Variants in ADAMTS12 observed in about 807,000 individuals in gnomAD.
ADAMTS12 encodes A disintegrin and metalloproteinase with thrombospondin motifs 12.
In ADAMTS12, 118 loss-of-function variants were observed where a neutral mutation model predicts 167.8. That is an observed-to-expected ratio of 0.70 (90% confidence interval 0.61 to 0.82). The LOEUF (loss-of-function observed/expected upper bound fraction) is 0.82, where lower values mean the gene tolerates loss of function less well. ADAMTS12 is among the 40% of genes least tolerant of loss of function. The probability of loss-of-function intolerance (pLI) is 0.00; values close to 1 mark genes in which losing one functional copy is unlikely to be tolerated. For synonymous variants in ADAMTS12, 704 were observed against 716.9 expected, an observed-to-expected ratio of 0.98 and a Z score of 0.29; for missense variants, 1,916 against 1,998.8, an observed-to-expected ratio of 0.96 and a Z score of 0.79.
At chr5:33,849,629 AATATATATGTATTGCATAG>A (rs1749136234) in intron 2 of ADAMTS12, among the ~76,000 whole-genome samples, 1 of 108,206 alleles carries the variant, frequency 9.2e-6, no homozygotes, top group African/African-American at 3.2e-5. Context: ...ATTGCATAGC[AATATATATGTATTGCATAG>A]CAATATATAG....
intron 17 of ADAMTS12, among the ~76,000 whole-genome samples, chr5:33,590,582 G>T (rs1361539322): frequency 6.6e-6 from 1 of 152,164 alleles, no homozygotes; most frequent in East Asian, 1.9e-4. Flanking sequence ...CAGATCAAAT[G>T]AACCTCCAAT....
intron 3 of ADAMTS12, among the ~76,000 whole-genome samples, chr5:33,741,629 C>A (rs1175650635): frequency 6.6e-6 from 1 of 152,026 alleles, no homozygotes; most frequent in Non-Finnish European, 1.5e-5. Context: ...TCTAAGAATC[C>A]AAACCCACTT....
chr5:33,629,317 G>A (rs992689553), intron 13 of ADAMTS12, among the ~76,000 whole-genome samples: 1 of 152,054 alleles, frequency 6.6e-6, no homozygotes, highest in Non-Finnish European at 1.5e-5. Context: ...AATATTTAGG[G>A]GCAAGAGCTT....
At chr5:33,774,475 G>T (rs1382432027) in intron 2 of ADAMTS12, among the ~76,000 whole-genome samples, 1 of 152,104 alleles carries the variant, frequency 6.6e-6, no homozygotes, top group Non-Finnish European at 1.5e-5. Flanking sequence ...ATGAAAGCAT[G>T]CCCTTTTGGC....
At chr5:33,688,887 G>A (rs1422763079) in intron 3 of ADAMTS12, among the ~76,000 whole-genome samples, 1 of 152,120 alleles carries the variant, frequency 6.6e-6, no homozygotes, top group Non-Finnish European at 1.5e-5. Flanking sequence ...AGCCCACGCA[G>A]GTTGACCACT....
At chr5:33,879,114 G>T (rs1449342787) in intron 2 of ADAMTS12, among the ~76,000 whole-genome samples, 1 of 152,088 alleles carries the variant, frequency 6.6e-6, no homozygotes, top group Non-Finnish European at 1.5e-5. Context: ...GCACAACTCT[G>T]AACACATTTA....
At chr5:33,821,221 T>C (rs945934373) in intron 2 of ADAMTS12, among the ~76,000 whole-genome samples, 1 of 152,212 alleles carries the variant, frequency 6.6e-6, no homozygotes, top group Non-Finnish European at 1.5e-5. Context: ...TTTATATCTA[T>C]AATCATTATA....
intron 3 of ADAMTS12, 50 bp from the exon 4 acceptor site, chr5:33,684,105 A>G: frequency 7.8e-6 from 10 of 1,276,958 alleles, no homozygotes; most frequent in Non-Finnish European, 1.0e-5. Flanking sequence ...TGTCTCATAT[A>G]TTATCTACTT....
At position 33,690,000 on chromosome 5, in the gene ADAMTS12, TTC is replaced by T. The variant is rs529657947; in HGVS notation, c.635-5947_635-5946del. Among the ~76,000 whole-genome samples the T allele has an allele frequency of 2.6e-3, 389 of 152,332 alleles. 2 individuals are homozygous for T. The highest frequency in any genetic ancestry group is 2.9e-3 in the Non-Finnish European group (194 of 68,034). On this transcript the variant is annotated intron_variant, in intron 3 of 23. Transcript: ENST00000504830. ...ATCTGGGGTTCTTCCAGTTCTAGTG[TTC>T]TCTGAGTTGGGCGAACACACGTTCC...
intron 11 of ADAMTS12, 104 bp downstream of exon 11, chr5:33,641,706 C>T (rs1483098388): frequency 8.5e-7 from 1 of 1,172,526 alleles, no homozygotes; most frequent in Non-Finnish European, 1.1e-6. Context: ...ATTTAATTTA[C>T]CTGGAGGAGG....
chr5:33,591,958 C>T (rs1410124585), intron 17 of ADAMTS12, among the ~76,000 whole-genome samples: 3 of 151,948 alleles, frequency 2.0e-5, no homozygotes, highest in African/African-American at 4.8e-5. Context: ...CGGTAGCTCA[C>T]GCCTGTAATC....
chr5:33,855,236 T>G (rs1193920561), intron 2 of ADAMTS12, among the ~76,000 whole-genome samples: 2 of 152,178 alleles, frequency 1.3e-5, no homozygotes, highest in Non-Finnish European at 2.9e-5. Flanking sequence ...ATGAGGCATG[T>G]CCCCTCTCTC....
At chr5:33,833,208 C>A (rs1378969384) in intron 2 of ADAMTS12, among the ~76,000 whole-genome samples, 1 of 152,184 alleles carries the variant, frequency 6.6e-6, no homozygotes, top group Non-Finnish European at 1.5e-5. Flanking sequence ...AAACCATGTT[C>A]CAGTAAGTTC....
chr5:33,543,783 C>T (rs111934206), intron 22 of ADAMTS12, among the ~76,000 whole-genome samples: 4,746 of 152,212 alleles, frequency 0.031, 270 homozygotes, highest in African/African-American at 0.11. Flanking sequence ...TCAATAGATG[C>T]AGAAAAGGCC....
chr5:33,546,006 A>T, intron 22 of ADAMTS12, 53 bp downstream of exon 22: 1 of 1,468,446 alleles, frequency 6.8e-7, no homozygotes, highest in Non-Finnish European at 8.9e-7. Context: ...AACTTAAAGT[A>T]TTAAAAAAAA....
At chr5:33,747,691 A>G (rs1025187082) in intron 3 of ADAMTS12, among the ~76,000 whole-genome samples, 2 of 152,210 alleles carry the variant, frequency 1.3e-5, no homozygotes, top group Non-Finnish European at 2.9e-5. Context: ...GATTCATGAG[A>G]TGGAAAAACT....
chr5:33,849,758 C>T (rs1749149884), intron 2 of ADAMTS12, among the ~76,000 whole-genome samples: 1 of 146,820 alleles, frequency 6.8e-6, no homozygotes, highest in Admixed American at 6.8e-5. Flanking sequence ...TATATAGTAT[C>T]TATATATGTA....
chr5:33,853,131 A>G (rs904173282), intron 2 of ADAMTS12, among the ~76,000 whole-genome samples: 1 of 152,214 alleles, frequency 6.6e-6, no homozygotes, highest in Non-Finnish European at 1.5e-5. Context: ...GCCCTGTTAC[A>G]CATAGATTTT....
At chr5:33,859,616 C>G (rs1469012148) in intron 2 of ADAMTS12, among the ~76,000 whole-genome samples, 4 of 152,340 alleles carry the variant, frequency 2.6e-5, no homozygotes, top group East Asian at 3.9e-4. Flanking sequence ...CCTGCTGGCT[C>G]TGAAGAGAGC....
Sources: allele counts gnomAD v4.1 joint callset (sites outside exome capture counted in the v4.1 genomes callset), GRCh38; gene constraint gnomAD v4.1.1; transcripts MANE v1.5; gene names NCBI Gene and HGNC (gene_info 2026-07-23, HGNC 2026-07-21).